VWA3B: variants seen among roughly 807,000 people sequenced by gnomAD.
The protein encoded by VWA3B is von Willebrand factor A domain containing 3B, also known as von Willebrand factor A domain-containing protein 3B.
A neutral mutation model predicts 158.3 loss-of-function variants in VWA3B; 138 were observed. The observed-to-expected ratio is 0.87, with a 90% CI of 0.76 to 1.00. The LOEUF (loss-of-function observed/expected upper bound fraction) is 1.00. Ranked by LOEUF, VWA3B falls within the 50% of genes least tolerant of loss-of-function variation. VWA3B has a pLI of 0.00. For synonymous variants in VWA3B, 596 were observed against 587.3 expected, an observed-to-expected ratio of 1.01 and a Z score of -0.21; for missense variants, 1,555 against 1,565.1, an observed-to-expected ratio of 0.99 and a Z score of 0.11.
chr2:98,131,474 A>G (rs549697379), intron 6 of VWA3B, among the ~76,000 whole-genome samples: 4 of 152,096 alleles, frequency 2.6e-5, no homozygotes, highest in Admixed American at 2.0e-4. Context: ...TGGTAGTGGG[A>G]TTGTTGGATT....
intron 2 of VWA3B, 118 bp downstream of exon 2, chr2:98,093,406 T>A: frequency 2.0e-6 from 2 of 993,458 alleles, no homozygotes; most frequent in Non-Finnish European, 3.0e-6. Context: ...TGATCTTATA[T>A]CCCTATCAGT....
At chr2:98,290,792 G>A (rs1484286022) in intron 23 of VWA3B, 170 bp downstream of exon 23, 4 of 542,580 alleles carry the variant, frequency 7.4e-6, no homozygotes, top group Admixed American at 7.9e-5. Context: ...CTCATGAAAT[G>A]AGCGTATTTG....
At chr2:98,279,372 A>G (rs1240856579) in intron 22 of VWA3B, among the ~76,000 whole-genome samples, 2 of 152,140 alleles carry the variant, frequency 1.3e-5, no homozygotes, top group South Asian at 2.1e-4. Context: ...CTCGCTGGAG[A>G]TTCGGCTGGG....
At chr2:98,313,603 C>CTT (rs1218147359), downstream of VWA3B, among the ~76,000 whole-genome samples, 19 of 152,222 alleles carry the variant, frequency 1.2e-4, no homozygotes, top group East Asian at 1.7e-3. Context: ...TACGTGCATG[C>CTT]ATGTGAGCCT....
At chr2:98,206,699 G>T (rs1683051423) in intron 12 of VWA3B, 1 of 326,468 alleles carries the variant, frequency 3.1e-6, no homozygotes, top group Non-Finnish European at 6.0e-6. Flanking sequence ...AATTCTGGTG[G>T]CTAGTATCAA....
intron 2 of VWA3B, among the ~76,000 whole-genome samples, chr2:98,102,783 T>A (rs529802416): frequency 2.3e-4 from 35 of 152,382 alleles, no homozygotes; most frequent in Admixed American, 3.9e-4. Context: ...TGATGGCATT[T>A]GTACACGATT....
chr2:98,282,584 A>G (rs974908666), intron 22 of VWA3B, among the ~76,000 whole-genome samples: 1 of 151,670 alleles, frequency 6.6e-6, no homozygotes, highest in Non-Finnish European at 1.5e-5. Context: ...TTACAGGCGC[A>G]CGGCACCACA....
chr2:98,134,083 G>A, intron 7 of VWA3B, 144 bp downstream of exon 7: 1 of 674,900 alleles, frequency 1.5e-6, no homozygotes, highest in East Asian at 2.7e-5. Flanking sequence ...CAGAGTTAAT[G>A]GATATTAGTG....
intron 2 of VWA3B, among the ~76,000 whole-genome samples, chr2:98,100,781 T>C (rs1683025228): frequency 6.6e-6 from 1 of 152,180 alleles, no homozygotes; most frequent in South Asian, 2.1e-4. Context: ...TTTTTCTGCA[T>C]TGTGCTGCCT....
intron 20 of VWA3B, among the ~76,000 whole-genome samples, chr2:98,253,012 T>C (rs564872854): frequency 3.9e-5 from 6 of 152,324 alleles, no homozygotes; most frequent in East Asian, 1.9e-4. Flanking sequence ...TTGGTATCAC[T>C]AATTTGATGT....
In VWA3B at chr2:98,122,841, A is replaced by G. The variant is rs566423257; in HGVS notation, c.702+1383A>G. Among the ~76,000 whole-genome samples the G allele has an allele frequency of 2.0e-5, 3 of 152,306 alleles. No individual in the cohort carries two copies. In the East Asian group the frequency reaches 5.8e-4, roughly 29 times the overall value. ...AGTAAGGAACAATTCAGTGAGTTCC[A>G]GGGAAGTCCTATGGAAGAAAAGGAA... On this transcript the variant is annotated intron_variant, in intron 5 of 27. Coordinates refer to ENST00000477737, the MANE Select transcript of VWA3B (RefSeq NM_144992.5).
Position 98,312,445 on chromosome 2 carries a change from A to T in VWA3B, c.*96A>T. The stretch of plus-strand genomic sequence containing the variant: ...TGAAACTGGCCCCTCCGCGGAGGTA[A>T]GGCCGCCCTCCGCGCCGCCTATGCC... On this transcript the variant is annotated 3_prime_UTR_variant, in exon 28 of 28. Transcript: ENST00000477737. 1 of 1,461,258 alleles carries T rather than the reference A, an allele frequency of 6.8e-7. No homozygotes were observed. Among genetic ancestry groups the T allele is most frequent in the Non-Finnish European group, 9.1e-7 (1 of 1,094,748 alleles). The allele number at this position is 1,461,258 out of a possible 1,614,324, so 90.5% of individuals were successfully genotyped here.
intron 8 of VWA3B, among the ~76,000 whole-genome samples, chr2:98,165,613 T>C (rs1395723905): frequency 1.3e-5 from 2 of 151,870 alleles, no homozygotes; most frequent in Non-Finnish European, 2.9e-5. Flanking sequence ...GGGACTTGTG[T>C]AGAGGGAGAG....
chr2:98,195,378 T>C (rs1681956358), intron 12 of VWA3B, among the ~76,000 whole-genome samples: 2 of 152,206 alleles, frequency 1.3e-5, no homozygotes, highest in African/African-American at 4.8e-5. Flanking sequence ...CAAATAGACA[T>C]TAGCAGATCA....
At chr2:98,250,152 ATC>A (rs1464694873) in intron 19 of VWA3B, among the ~76,000 whole-genome samples, 164 bp from the exon 20 acceptor site, 1 of 152,168 alleles carries the variant, frequency 6.6e-6, no homozygotes, top group African/African-American at 2.4e-5. Context: ...TAGCAATGAT[ATC>A]TCTTTTTTCT....
At chr2:98,128,145 A>T in intron 5 of VWA3B, 94 bp from the exon 6 acceptor site, 1 of 1,447,824 alleles carries the variant, frequency 6.9e-7, no homozygotes, top group Admixed American at 2.0e-5. Flanking sequence ...CATTTTTTCT[A>T]AGAGATCGTT....
chr2:98,216,618 G>A (rs1171519360), intron 13 of VWA3B: 3 of 438,406 alleles, frequency 6.8e-6, no homozygotes, highest in African/African-American at 2.0e-5. Context: ...GTGGAGCCCT[G>A]GCTGCACAGC....
chr2:98,163,363 C>T (rs1678795898), intron 8 of VWA3B, among the ~76,000 whole-genome samples: 1 of 152,110 alleles, frequency 6.6e-6, no homozygotes, highest in South Asian at 2.1e-4. Context: ...CATGGTGAAA[C>T]CCCGTCTCTA....
At chr2:98,201,734 C>T (rs1682561005) in intron 12 of VWA3B, among the ~76,000 whole-genome samples, 1 of 152,096 alleles carries the variant, frequency 6.6e-6, no homozygotes. Context: ...GTGTTTTCTG[C>T]ATCTGTTGAG....
Sources: gnomAD v4.1 joint callset for allele counts (sites outside exome capture counted in the v4.1 genomes callset) on GRCh38, gnomAD v4.1.1 for gene constraint, MANE v1.5 for transcripts, NCBI Gene and HGNC (gene_info 2026-07-23, HGNC 2026-07-21) for gene names.